The following MRC1 variants were observed in gnomAD, a reference collection of about 807,000 sequenced individuals.
The protein encoded by MRC1 is macrophage mannose receptor 1.
In MRC1, 62 loss-of-function variants were observed where a neutral mutation model predicts 102.9. The observed-to-expected ratio is 0.60, with a 90% confidence interval of 0.49 to 0.74. The LOEUF (loss-of-function observed/expected upper bound fraction) is 0.74, where lower values mean the gene tolerates loss of function less well. MRC1 is among the 30% of genes least tolerant of loss of function. The probability of loss-of-function intolerance (pLI) is 0.00; values close to 1 mark genes in which losing one functional copy is unlikely to be tolerated. For missense variants in MRC1, 1,237 were observed against 862.8 expected, an observed-to-expected ratio of 1.43 and a Z score of -5.43; for synonymous variants, 457 against 298.4, an observed-to-expected ratio of 1.53 and a Z score of -5.48.
At chr10:17,877,733 T>TC (rs1833456653) in intron 17 of MRC1, among the ~76,000 whole-genome samples, 167 bp from the exon 18 acceptor site, 1 of 152,154 alleles carries the variant, frequency 6.6e-6, no homozygotes, top group Non-Finnish European at 1.5e-5. Context: ...GTGTGCATTT[T>TC]TTTTTATTTC....
chr10:17,843,438 C>T (rs894956061), intron 5 of MRC1, among the ~76,000 whole-genome samples: 44,278 of 151,974 alleles, frequency 0.29, 7,867 homozygotes, highest in Admixed American at 0.41. Context: ...GAGGCTGAGG[C>T]GGGTGGATCC....
At chr10:17,888,433 A>T (rs1270621459) in intron 22 of MRC1, among the ~76,000 whole-genome samples, 1 of 152,172 alleles carries the variant, frequency 6.6e-6, no homozygotes. Context: ...TGGGTTAAAG[A>T]TGTGCTGACT....
In MRC1 at chr10:17,880,594, A is replaced by G. The variant is rs1299249294; in HGVS notation, c.2789A>G (p.Asn930Ser). The change falls in exon 20 of 30, where the codon AAT becomes AGT. Residue 930 changes from asparagine (N) to serine (S), a missense_variant. By Grantham distance (46) the Asn-to-Ser change is conservative. Coordinates refer to ENST00000569591, the MANE Select transcript of MRC1 (RefSeq NM_002438.4). ...TGCCAGCGACATAACAGTAGTATCA[A>G]TGCTACCACAGTTATGCCTACCATG... ...FICQRHNSSI[N>S]ATTVMPTMPS... 3.2e-5 allele frequency: 25 copies of G among 780,758 alleles called. No individual in the cohort carries two copies. Among genetic ancestry groups the G allele is most frequent in the African/African-American group, 1.0e-4 (6 of 59,142 alleles). 48.4% of individuals were successfully genotyped at this position (780,758 alleles called of 1,614,324 possible).
intron 8 of MRC1, chr10:17,854,896 G>A: frequency 6.5e-6 from 1 of 153,834 alleles, no homozygotes; most frequent in South Asian, 1.9e-4. Flanking sequence ...TCACCATGTT[G>A]GCCCGGCTAG....
chr10:17,892,820 G>A (rs1833698298), intron 22 of MRC1, among the ~76,000 whole-genome samples: 1 of 151,860 alleles, frequency 6.6e-6, no homozygotes, highest in Non-Finnish European at 1.5e-5. Context: ...GACCATCCTG[G>A]CCAACATGGT....
chr10:17,833,382 A>G (rs1296143769), intron 3 of MRC1, among the ~76,000 whole-genome samples: 1 of 152,072 alleles, frequency 6.6e-6, no homozygotes, highest in South Asian at 2.1e-4. Flanking sequence ...TTAGCCAGGC[A>G]TGGTGGTGCA....
chr10:17,888,858 G>T (rs1833636627), intron 22 of MRC1, among the ~76,000 whole-genome samples: 1 of 152,162 alleles, frequency 6.6e-6, no homozygotes, highest in Admixed American at 6.5e-5. Flanking sequence ...TTTGATAGAA[G>T]AGTATTGAAG....
At chr10:17,846,597 T>C (rs1006402458) in intron 6 of MRC1, among the ~76,000 whole-genome samples, 5 of 152,230 alleles carry the variant, frequency 3.3e-5, no homozygotes, top group Admixed American at 6.5e-5. Flanking sequence ...GAATAATTGT[T>C]TCTGGGTGTG....
intron 10 of MRC1, chr10:17,863,125 T>C (rs1379646876): frequency 1.0e-5 from 2 of 190,766 alleles, no homozygotes; most frequent in Non-Finnish European, 2.2e-5. Context: ...GATAATGTTA[T>C]TAACCTTGAA....
intron 11 of MRC1, among the ~76,000 whole-genome samples, chr10:17,864,687 A>G (rs1833236315): frequency 6.6e-6 from 1 of 151,912 alleles, no homozygotes; most frequent in African/African-American, 2.4e-5. Context: ...AAATTAGCCA[A>G]GTGCAGTGGT....
At chr10:17,872,719 A>G (rs1329897422) in intron 15 of MRC1, among the ~76,000 whole-genome samples, 1 of 152,196 alleles carries the variant, frequency 6.6e-6, no homozygotes, top group Admixed American at 6.5e-5. Flanking sequence ...GCATGCTGAC[A>G]GCCATTATCT....
intron 9 of MRC1, among the ~76,000 whole-genome samples, 165 bp from the exon 10 acceptor site, chr10:17,861,222 A>G (rs1475765363): frequency 2.0e-5 from 3 of 152,190 alleles, no homozygotes; most frequent in Admixed American, 2.0e-4. Context: ...CTGAGGCAGG[A>G]GAATTGCTTG....
rs1397609190 is a variant in MRC1, at chr10:17,870,311, G to T, written c.2049G>T (p.Leu683=). The change falls in exon 13 of 30, where the codon CTG becomes CTT. Residue 683 remains leucine (L), a synonymous_variant. Transcript: ENST00000569591. ...AATCTCGAGATTTTTGTCGAGCTCT[G>T]GGTGGAGACTTAGCTAGCATCAATA... The part of the protein sequence containing the change: ...WFESRDFCRA[L]GGDLASINNK... 1.3e-6 allele frequency: 1 copy of T among 780,400 alleles called. No individual in the cohort carries two copies. The highest frequency in any genetic ancestry group is 2.4e-6 in the Non-Finnish European group (1 of 417,768). The allele number at this position is 780,400 out of a possible 1,614,324, so 48.3% of individuals were successfully genotyped here.
At chr10:17,903,511 T>A (rs1833857963) in intron 26 of MRC1, among the ~76,000 whole-genome samples, 1 of 150,038 alleles carries the variant, frequency 6.7e-6, no homozygotes, top group African/African-American at 2.4e-5. Flanking sequence ...TTCTTCTGTC[T>A]CAGCCTCCCA....
At chr10:17,827,495 C>T (rs1168894357) in intron 2 of MRC1, 47 bp from the exon 3 acceptor site, 1 of 654,524 alleles carries the variant, frequency 1.5e-6, no homozygotes. Flanking sequence ...AGTTAATGTT[C>T]AGAAATATCA....
chr10:17,904,218 C>T (rs2130722027), intron 26 of MRC1, among the ~76,000 whole-genome samples: 1 of 152,230 alleles, frequency 6.6e-6, no homozygotes, highest in South Asian at 2.1e-4. Flanking sequence ...TTGTAGTTTC[C>T]TTTATTGATG....
At chr10:17,846,862 A>G (rs2130636827) in intron 6 of MRC1, among the ~76,000 whole-genome samples, 2 of 152,238 alleles carry the variant, frequency 1.3e-5, no homozygotes, top group East Asian at 3.9e-4. Context: ...TTTACTTCCA[A>G]TCTTTTATTA....
intron 3 of MRC1, among the ~76,000 whole-genome samples, chr10:17,829,224 A>G (rs1838531135): frequency 1.3e-5 from 2 of 151,574 alleles, no homozygotes; most frequent in South Asian, 4.1e-4. Context: ...ATCCACAAGT[A>G]ATCACACTAT....
chr10:17,900,717 T>C (rs1271005910), intron 24 of MRC1, 71 bp from the exon 25 acceptor site: 28 of 780,042 alleles, frequency 3.6e-5, no homozygotes, highest in Admixed American at 3.4e-4. Flanking sequence ...CTTTGTATTC[T>C]TGAATTGGTT....
Sources: gnomAD v4.1 joint callset for allele counts (sites outside exome capture counted in the v4.1 genomes callset) on GRCh38, gnomAD v4.1.1 for gene constraint, MANE v1.5 for transcripts, NCBI Gene and HGNC (gene_info 2026-07-23, HGNC 2026-07-21) for gene names.